Variants in UIMC1 observed in about 807,000 individuals in gnomAD.
The protein encoded by UIMC1 is BRCA1-A complex subunit RAP80.
Under a neutral mutation model 84.9 loss-of-function variants are expected in UIMC1, and 42 were observed. The ratio of observed to expected loss-of-function variants is 0.49; its 90% CI spans 0.39 to 0.64. The LOEUF (loss-of-function observed/expected upper bound fraction) is 0.64. Among genes scored for constraint, UIMC1 ranks in the 30% least tolerant of loss-of-function variants. The pLI is 0.00. For synonymous variants in UIMC1, 281 were observed against 293.0 expected, an observed-to-expected ratio of 0.96 and a Z score of 0.42; for missense variants, 825 against 847.6, an observed-to-expected ratio of 0.97 and a Z score of 0.33.
Position 176,911,341 on chromosome 5 carries a change from G to A in UIMC1, c.1646C>T (p.Thr549Ile). The change falls in exon 11 of 15, where the codon ACA becomes ATA. Residue 549 changes from threonine (T) to isoleucine (I), a missense_variant. Transcript: ENST00000511320. ...KEAKTKSDSG[T>I]AAQTSLDIDK... ...AATGTCTAGAGAAGTCTGGGCAGCTGTCCCACTGTCACTCTTGGTCTTGGC... is the reference window on the plus strand; with the variant it reads ...AATGTCTAGAGAAGTCTGGGCAGCTATCCCACTGTCACTCTTGGTCTTGGC... The A allele has an allele frequency of 1.2e-6, 2 of 1,600,490 alleles. No individual in the cohort carries two copies. Among genetic ancestry groups the A allele is most frequent in the South Asian group, 1.1e-5 (1 of 88,486 alleles).
intron 10 of UIMC1, among the ~76,000 whole-genome samples, chr5:176,923,979 A>G (rs1178756636): frequency 6.6e-6 from 1 of 151,926 alleles, no homozygotes; most frequent in African/African-American, 2.4e-5. Context: ...GTATATTTAC[A>G]TGTTGGCTCA....
rs1257102883 is a variant in UIMC1 at position 176,911,350 on chromosome 5, T to C, written c.1637A>G (p.Asp546Gly). The change falls in exon 11 of 15, where the codon GAC becomes GGC. Residue 546 changes from aspartate to glycine, a missense_variant. Asp to Gly is a moderately conservative substitution (Grantham distance 94). Transcript: ENST00000511320. ...AGAAGTCTGGGCAGCTGTCCCACTG[T>C]CACTCTTGGTCTTGGCCTCTTTTTG... is the stretch of plus-strand genomic sequence containing the variant. ...RRQKEAKTKS[D>G]SGTAAQTSLD... 1 of 1,600,136 alleles carries C rather than the reference T, an allele frequency of 6.2e-7. No individual in the cohort carries two copies. The highest frequency in any genetic ancestry group is 1.1e-5 in the South Asian group (1 of 88,344).
Position 176,976,553 on chromosome 5 carries a change from T to G in UIMC1, c.148-1073A>C, listed in dbSNP as rs138806312. On this transcript the variant is annotated intron_variant, in intron 2 of 14. Coordinates refer to ENST00000511320, the MANE Select transcript of UIMC1 (RefSeq NM_001199298.2). ...GCAAGGATTACAAAAACCGGAACCC[T>G]AGTACACTGTTGGTGGGAATATAAA... is the stretch of plus-strand genomic sequence containing the variant. Among the ~76,000 whole-genome samples, 592 of 152,298 alleles carry G rather than the reference T, an allele frequency of 3.9e-3. 2 individuals carry two copies. The highest frequency in any genetic ancestry group is 5.6e-3 in the Non-Finnish European group (380 of 68,024).
chr5:176,991,967 T>A (rs1191001291), intron 1 of UIMC1, among the ~76,000 whole-genome samples: 1 of 151,878 alleles, frequency 6.6e-6, no homozygotes, highest in African/African-American at 2.4e-5. Flanking sequence ...AAAAAAATTT[T>A]AAAAATTAGC....
rs543546288 is a variant in UIMC1, at chr5:176,915,863, T to C, written c.1598-4474A>G. 2.7e-5 allele frequency among the ~76,000 whole-genome samples: 4 copies of C among 147,972 alleles called. No homozygotes were observed. In the South Asian group the frequency reaches 8.5e-4, roughly 31 times the overall value. ...ACAAATCTGACTTTACAGAAGCATA[T>C]GTTCTTCTACAAGAGCAGGCTGCCT... On this transcript the variant is annotated intron_variant, in intron 10 of 14. Transcript: ENST00000511320.
chr5:177,003,578 G>A (rs559344880), intron 1 of UIMC1, among the ~76,000 whole-genome samples: 11 of 152,228 alleles, frequency 7.2e-5, no homozygotes, highest in African/African-American at 2.6e-4. Flanking sequence ...ACTTGAACCC[G>A]GGAAGCAGAG....
intron 2 of UIMC1, 48 bp downstream of exon 2, chr5:176,982,421 G>T: frequency 1.3e-6 from 2 of 1,579,922 alleles, no homozygotes; most frequent in Non-Finnish European, 1.7e-6. Flanking sequence ...GGGTAAAGAA[G>T]CATAGTTTGA....
chr5:176,929,933 G>T (rs1452200527), intron 10 of UIMC1, among the ~76,000 whole-genome samples: 1 of 152,132 alleles, frequency 6.6e-6, no homozygotes, highest in Admixed American at 6.5e-5. Flanking sequence ...CCTAAATAAA[G>T]ATAATAGTAA....
intron 10 of UIMC1, among the ~76,000 whole-genome samples, chr5:176,940,634 C>T (rs1764296590): frequency 6.6e-6 from 1 of 152,094 alleles, no homozygotes; most frequent in Non-Finnish European, 1.5e-5. Context: ...ATCTAGATTG[C>T]AGTCCTTCAG....
chr5:177,003,833 G>A (rs1261628416), intron 1 of UIMC1, among the ~76,000 whole-genome samples: 1 of 152,102 alleles, frequency 6.6e-6, no homozygotes, highest in Non-Finnish European at 1.5e-5. Flanking sequence ...CCTGTACCGT[G>A]TGTGCACGTG....
intron 10 of UIMC1, among the ~76,000 whole-genome samples, chr5:176,939,805 G>A (rs1165137769): frequency 6.6e-6 from 1 of 152,194 alleles, no homozygotes; most frequent in African/African-American, 2.4e-5. Context: ...AAAAGAAAGT[G>A]TGACTGTCAT....
At chr5:176,925,630 C>T (rs1184724993) in intron 10 of UIMC1, among the ~76,000 whole-genome samples, 2 of 151,688 alleles carry the variant, frequency 1.3e-5, no homozygotes, top group African/African-American at 2.4e-5. Flanking sequence ...GAATATAACA[C>T]GGATCAATCT....
intron 2 of UIMC1, among the ~76,000 whole-genome samples, chr5:176,977,240 A>AAAG (rs1554128923): frequency 6.6e-6 from 1 of 151,218 alleles, no homozygotes; most frequent in African/African-American, 2.4e-5. Context: ...AAAAAAAAAA[A>AAAG]AGAGAGAGAG....
At chr5:177,011,959 C>A (rs1449925131) in intron 1 of UIMC1, among the ~76,000 whole-genome samples, 1 of 152,084 alleles carries the variant, frequency 6.6e-6, no homozygotes, top group African/African-American at 2.4e-5. Context: ...CGCCACCACG[C>A]CCAGCTAATT....
intron 7 of UIMC1, among the ~76,000 whole-genome samples, chr5:176,957,879 CTCTAGGA>C (rs1184572397): frequency 6.6e-6 from 1 of 152,146 alleles, no homozygotes. Context: ...ACAAGATGAC[CTCTAGGA>C]TCTCTTCCAG....
intron 4 of UIMC1, chr5:176,969,945 G>A (rs1768945553): frequency 2.4e-6 from 1 of 419,414 alleles, no homozygotes; most frequent in South Asian, 3.5e-5. Context: ...AGATGGTTCA[G>A]GACCTGCCAC....
intron 1 of UIMC1, among the ~76,000 whole-genome samples, chr5:176,987,707 C>T (rs1223395928): frequency 1.3e-5 from 2 of 151,750 alleles, no homozygotes; most frequent in African/African-American, 4.8e-5. Context: ...GCCTGTAGTC[C>T]CAGCTACTTG....
intron 1 of UIMC1, among the ~76,000 whole-genome samples, chr5:177,017,163 C>T (rs1371619456): frequency 6.6e-6 from 1 of 152,212 alleles, no homozygotes; most frequent in Non-Finnish European, 1.5e-5. Flanking sequence ...CAAGAGCACC[C>T]CTTCTGTTCT....
chr5:176,905,877 G>C, intron 14 of UIMC1, 134 bp downstream of exon 14: 1 of 905,716 alleles, frequency 1.1e-6, no homozygotes, highest in Non-Finnish European at 1.8e-6. Flanking sequence ...GTCATACTGA[G>C]AGAGAGGTCA....
Sources: gnomAD v4.1 joint callset for allele counts (sites outside exome capture counted in the v4.1 genomes callset) on GRCh38, gnomAD v4.1.1 for gene constraint, MANE v1.5 for transcripts, NCBI Gene and HGNC (gene_info 2026-07-23, HGNC 2026-07-21) for gene names.